RHOBTB2: variants seen among roughly 807,000 people sequenced by gnomAD.
The protein encoded by RHOBTB2 is Rho related BTB domain containing 2.
RHOBTB2 carries 39 observed loss-of-function variants against 66.5 expected under a neutral mutation model. That is an observed-to-expected ratio of 0.59 (90% CI 0.45 to 0.77). The LOEUF is 0.77. Among genes scored for constraint, RHOBTB2 ranks in the 30% least tolerant of loss-of-function variants. The pLI, the probability that RHOBTB2 is intolerant of heterozygous loss-of-function variation, is 0.00. For synonymous variants in RHOBTB2, 390 were observed against 395.0 expected (o/e 0.99, Z 0.15); for missense variants, 755 against 999.1 (o/e 0.76, Z 3.29).
Position 23,018,602 on chromosome 8 carries a change from G to C in RHOBTB2, c.*1133G>C, listed in dbSNP as rs1490162891. 6.6e-6 allele frequency: 1 copy of C among 152,348 alleles called. No homozygotes were observed. The highest frequency in any genetic ancestry group is 1.5e-5 in the Non-Finnish European group (1 of 68,150). 9.4% of individuals were successfully genotyped at this position (152,348 alleles called of 1,614,324 possible). On this transcript the variant is annotated 3_prime_UTR_variant, in exon 10 of 10. Coordinates refer to ENST00000251822, the MANE Select transcript of RHOBTB2 (RefSeq NM_015178.3). Reference sequence around the variant, plus strand: ...AGCTGGCTCCGAGGGCAACACAGGGGCCTGGCCTCTAGAGGGCTGGTGATT... The same window carrying C: ...AGCTGGCTCCGAGGGCAACACAGGGCCCTGGCCTCTAGAGGGCTGGTGATT...
At chr8:22,983,197 T>C (rs1810238012), upstream of RHOBTB2, among the ~76,000 whole-genome samples, 1 of 151,722 alleles carries the variant, frequency 6.6e-6, no homozygotes. Flanking sequence ...TGATGTTGGG[T>C]TAGAAATTCT....
the RHOBTB2 span, among the ~76,000 whole-genome samples, chr8:22,976,394 G>T: frequency 6.6e-6 from 1 of 152,018 alleles, no homozygotes; most frequent in African/African-American, 2.4e-5. Flanking sequence ...TGGGGAAGAC[G>T]GGACAAAAAG....
upstream of RHOBTB2, among the ~76,000 whole-genome samples, chr8:22,985,371 A>T (rs1810269109): frequency 6.6e-6 from 1 of 152,236 alleles, no homozygotes; most frequent in South Asian, 2.1e-4. Context: ...TTTGTGCTCA[A>T]ACAGCGTATC....
the RHOBTB2 span, among the ~76,000 whole-genome samples, chr8:22,972,150 G>C: frequency 4.4e-3 from 665 of 152,274 alleles, 2 homozygotes; most frequent in African/African-American, 0.015. Context: ...TTCCGTCAAA[G>C]GCCACTTCCT....
chr8:22,995,958 G>A, upstream of RHOBTB2: 1 of 1,394,622 alleles, frequency 7.2e-7, no homozygotes, highest in Non-Finnish European at 1.0e-6. Flanking sequence ...AGGATGGACT[G>A]AGCCAGGCGG....
At chr8:22,965,868 T>C in the RHOBTB2 span, among the ~76,000 whole-genome samples, 2 of 152,128 alleles carry the variant, frequency 1.3e-5, no homozygotes, top group African/African-American at 2.4e-5. Flanking sequence ...GATTTGGCAA[T>C]GATTTATTGA....
chr8:22,989,890 C>T (rs897472840), intron 1 of RHOBTB2, among the ~76,000 whole-genome samples: 9 of 152,354 alleles, frequency 5.9e-5, no homozygotes, highest in African/African-American at 2.2e-4. Context: ...CTCATCCTGC[C>T]TGCCTGCTTT....
chr8:22,981,118 C>A, the RHOBTB2 span, among the ~76,000 whole-genome samples: 1 of 152,182 alleles, frequency 6.6e-6, no homozygotes, highest in African/African-American at 2.4e-5. Context: ...TTCCAGAATT[C>A]TATTTCAGTA....
At chr8:22,978,720 A>C in the RHOBTB2 span, among the ~76,000 whole-genome samples, 1 of 152,156 alleles carries the variant, frequency 6.6e-6, no homozygotes, top group African/African-American at 2.4e-5. Flanking sequence ...TTATAACTGC[A>C]TGTTCATTGA....
chr8:22,965,195 G>T, the RHOBTB2 span, among the ~76,000 whole-genome samples: 10 of 152,060 alleles, frequency 6.6e-5, no homozygotes, highest in African/African-American at 2.4e-4. Flanking sequence ...GGAAATTAGA[G>T]ACTTGCTATA....
At chr8:23,002,513 G>A (rs1023870445) in intron 1 of RHOBTB2, among the ~76,000 whole-genome samples, 10 of 152,106 alleles carry the variant, frequency 6.6e-5, no homozygotes, top group Admixed American at 2.0e-4. Flanking sequence ...CCAACATGGC[G>A]AAACCCCGTA....
chr8:22,994,185 C>T (rs2128797921), intron 2 of RHOBTB2, among the ~76,000 whole-genome samples: 1 of 152,280 alleles, frequency 6.6e-6, no homozygotes, highest in Middle Eastern at 3.4e-3. Context: ...AAAGTGAGGC[C>T]CAGAGAGGGA....
chr8:23,015,827 G>A (rs777385129), intron 9 of RHOBTB2, 84 bp downstream of exon 9: 57 of 966,288 alleles, frequency 5.9e-5, no homozygotes, highest in Non-Finnish European at 8.4e-5. Context: ...GGGACCCCGA[G>A]GCTGCCAGTA....
chr8:23,010,427 C>T (rs112064636), intron 6 of RHOBTB2, 111 bp from the exon 7 acceptor site: 215 of 1,272,496 alleles, frequency 1.7e-4, no homozygotes, highest in Middle Eastern at 9.7e-4. Flanking sequence ...GAAGGCTGCC[C>T]GTCTGGGGGA....
chr8:22,979,293 T>C, the RHOBTB2 span, among the ~76,000 whole-genome samples: 16 of 152,268 alleles, frequency 1.1e-4, no homozygotes, highest in Admixed American at 8.5e-4. Context: ...AACACTCCAA[T>C]CTAAAAGTAT....
chr8:23,017,720 G>A lies in RHOBTB2; in HGVS notation c.*251G>A, dbSNP rs544191528. ...ACGGGAGACAACTGCTTGGAGGAGCGAAGAGCCCTGGCATTTTATCTCTGG... is the reference window on the plus strand; with the variant it reads ...ACGGGAGACAACTGCTTGGAGGAGCAAAGAGCCCTGGCATTTTATCTCTGG... On this transcript the variant is annotated 3_prime_UTR_variant, in exon 10 of 10. Transcript: ENST00000251822. The surrounding 1 kb of genome is among the most constrained non-coding windows in gnomAD (Gnocchi z 5.3). 2.0e-5 allele frequency: 11 copies of A among 546,334 alleles called. No individual in the cohort carries two copies. Among genetic ancestry groups the A allele is most frequent in the Non-Finnish European group, 2.6e-5 (8 of 308,766 alleles). The allele number at this position is 546,334 out of a possible 1,614,324, so 33.8% of individuals were successfully genotyped here. A position where few individuals can be genotyped will look rare whatever the true frequency, so the allele number is the denominator to read the frequency against.
chr8:23,002,455 GC>G (rs1161586079), intron 1 of RHOBTB2, among the ~76,000 whole-genome samples: 1 of 152,236 alleles, frequency 6.6e-6, no homozygotes, highest in Non-Finnish European at 1.5e-5. Context: ...ACTTTGGGAG[GC>G]CAAGGCGGGC....
the RHOBTB2 span, among the ~76,000 whole-genome samples, chr8:22,963,265 C>A: frequency 6.6e-6 from 1 of 152,308 alleles, no homozygotes; most frequent in South Asian, 2.1e-4. Context: ...TGATACACAT[C>A]AATACAAAAG....
chr8:22,957,480 C>A, the RHOBTB2 span, among the ~76,000 whole-genome samples: 118 of 152,332 alleles, frequency 7.7e-4, no homozygotes, highest in Non-Finnish European at 1.4e-3. Context: ...ACTCAGCTGA[C>A]AAAGGGCACT....
Sources: gnomAD v4.1 joint callset for allele counts (sites outside exome capture counted in the v4.1 genomes callset) on GRCh38, gnomAD v4.1.1 for gene constraint, Gnocchi (gnomAD v3.1) non-coding constraint, MANE v1.5 for transcripts, NCBI Gene and HGNC (gene_info 2026-07-23, HGNC 2026-07-21) for gene names.